TMPRSS12: variants seen among roughly 807,000 people sequenced by gnomAD.
TMPRSS12 encodes the protein transmembrane serine protease 12.
A neutral mutation model predicts 26.0 loss-of-function variants in TMPRSS12; 25 were observed. That is an observed-to-expected ratio of 0.96 (90% CI 0.70 to 1.34). The LOEUF is 1.34. Among genes scored for constraint, TMPRSS12 ranks in the 40% most tolerant of loss-of-function variants. The pLI is 0.00. For synonymous variants in TMPRSS12, 150 were observed against 161.7 expected (o/e 0.93, Z 0.55); for missense variants, 441 against 440.1 (o/e 1.00, Z -0.02).
chr12:50,856,183 A>C (rs765348374), intron 2 of TMPRSS12, among the ~76,000 whole-genome samples: 1 of 152,082 alleles, frequency 6.6e-6, no homozygotes. Flanking sequence ...CAGCACGTGT[A>C]CCCCCGAACC....
At chr12:50,848,337 T>C (rs1285690857) in intron 2 of TMPRSS12, 1 of 152,198 alleles carries the variant, frequency 6.6e-6, no homozygotes, top group Non-Finnish European at 1.5e-5. Context: ...CTTCCCCACT[T>C]CCCACCCAGA....
At position 50,854,434 on chromosome 12, in the gene TMPRSS12, A is replaced by G. The variant is rs180748656; in HGVS notation, c.384-4351A>G. The stretch of plus-strand genomic sequence containing the variant: ...TGCCCACTATCACCACTCTTATTCA[A>G]CATAGTACTGGAAGTCCTAACCAGA... On this transcript the variant is annotated intron_variant, in intron 2 of 4. Transcript: ENST00000398458. Among the ~76,000 whole-genome samples, 111 of 152,324 alleles carry G rather than the reference A, an allele frequency of 7.3e-4. 1 individual carries two copies. The highest frequency in any genetic ancestry group is 3.9e-3 in the Admixed American group (59 of 15,290).
At chr12:50,854,186 CA>C (rs1937854553) in intron 2 of TMPRSS12, among the ~76,000 whole-genome samples, 1 of 151,340 alleles carries the variant, frequency 6.6e-6, no homozygotes, top group Non-Finnish European at 1.5e-5. Flanking sequence ...TGGACTAAAA[CA>C]GAACTAAACA....
intron 3 of TMPRSS12, among the ~76,000 whole-genome samples, chr12:50,882,286 TAAAAAAAAAAAAA>T (rs59323134): frequency 1.7e-5 from 1 of 58,506 alleles, no homozygotes; most frequent in Non-Finnish European, 2.9e-5. Flanking sequence ...CCCATCTCTC[TAAAAAAAAAAAAA>T]AAAAAAAAAA....
At chr12:50,863,995 C>T (rs1592220444) in intron 3 of TMPRSS12, among the ~76,000 whole-genome samples, 1 of 152,218 alleles carries the variant, frequency 6.6e-6, no homozygotes, top group South Asian at 2.1e-4. Context: ...AAATAAAAAG[C>T]TTTTTAAATG....
intron 3 of TMPRSS12, among the ~76,000 whole-genome samples, chr12:50,872,705 A>G (rs1938065797): frequency 8.3e-6 from 1 of 120,068 alleles, no homozygotes; most frequent in Non-Finnish European, 1.7e-5. Flanking sequence ...TATGACGTAT[A>G]TGTGTACATA....
At chr12:50,843,243 T>C in intron 1 of TMPRSS12, 92 bp downstream of exon 1, 1 of 1,379,764 alleles carries the variant, frequency 7.2e-7, no homozygotes, top group East Asian at 2.6e-5. Flanking sequence ...TTTTCTGTTG[T>C]CCCAATGGCC....
intron 2 of TMPRSS12, among the ~76,000 whole-genome samples, chr12:50,854,381 G>A (rs1096034): frequency 0.37 from 56,830 of 151,780 alleles, 10,730 homozygotes; most frequent in Admixed American, 0.43. Context: ...AGCTGGAAAT[G>A]CCCTTGAGAA....
At chr12:50,863,435 A>G (rs1469380149) in intron 3 of TMPRSS12, among the ~76,000 whole-genome samples, 7 of 152,204 alleles carry the variant, frequency 4.6e-5, no homozygotes, top group African/African-American at 1.7e-4. Context: ...TATTTATCCC[A>G]GAGAAATACA....
At chr12:50,860,422 C>CT (rs555754271) in intron 3 of TMPRSS12, among the ~76,000 whole-genome samples, 13 of 150,882 alleles carry the variant, frequency 8.6e-5, no homozygotes, top group South Asian at 4.2e-4. Context: ...ATTTAAAACA[C>CT]TTTTTTTTTA....
At chr12:50,868,542 T>C (rs1342271308) in intron 3 of TMPRSS12, among the ~76,000 whole-genome samples, 1 of 151,858 alleles carries the variant, frequency 6.6e-6, no homozygotes, top group Admixed American at 6.6e-5. Flanking sequence ...AGCAACACAA[T>C]AATAGTGGTG....
chr12:50,885,032 A>C (rs989819026), intron 3 of TMPRSS12, among the ~76,000 whole-genome samples: 2 of 152,174 alleles, frequency 1.3e-5, no homozygotes, highest in Admixed American at 1.3e-4. Flanking sequence ...CAATAGATCA[A>C]GACTCTATCT....
intron 3 of TMPRSS12, among the ~76,000 whole-genome samples, chr12:50,884,302 T>C (rs1938202527): frequency 6.6e-6 from 1 of 152,154 alleles, no homozygotes; most frequent in South Asian, 2.1e-4. Context: ...ACACACAACT[T>C]ACAAAGGAAA....
chr12:50,872,370 G>A (rs1411455181), intron 3 of TMPRSS12, among the ~76,000 whole-genome samples: 37 of 149,556 alleles, frequency 2.5e-4, no homozygotes, highest in African/African-American at 4.7e-4. Flanking sequence ...AAAATTAGCC[G>A]GGCGCGGTGG....
chr12:50,868,224 A>G (rs191970636), intron 3 of TMPRSS12, among the ~76,000 whole-genome samples: 4 of 152,360 alleles, frequency 2.6e-5, no homozygotes, highest in Non-Finnish European at 5.9e-5. Flanking sequence ...AGAACTCACC[A>G]ACCAACTATC....
At chr12:50,864,600 T>C (rs560040496) in intron 3 of TMPRSS12, among the ~76,000 whole-genome samples, 17 of 152,302 alleles carry the variant, frequency 1.1e-4, no homozygotes, top group African/African-American at 3.8e-4. Context: ...TAAAAAAATA[T>C]GTAAATTGTT....
intron 2 of TMPRSS12, among the ~76,000 whole-genome samples, chr12:50,853,720 A>C (rs1937849623): frequency 6.6e-6 from 1 of 152,130 alleles, no homozygotes; most frequent in Non-Finnish European, 1.5e-5. Context: ...AATGTACACA[A>C]ACTAGAAAAC....
At chr12:50,880,105 T>C (rs1938149823) in intron 3 of TMPRSS12, among the ~76,000 whole-genome samples, 1 of 152,210 alleles carries the variant, frequency 6.6e-6, no homozygotes, top group Non-Finnish European at 1.5e-5. Flanking sequence ...CATGAAAAGC[T>C]GTTAACACTG....
intron 2 of TMPRSS12, among the ~76,000 whole-genome samples, chr12:50,856,288 C>G (rs1363991963): frequency 2.0e-5 from 3 of 152,156 alleles, no homozygotes; most frequent in Non-Finnish European, 4.4e-5. Flanking sequence ...CTCCTGTTCC[C>G]CTTTCCCCTT....
Sources: allele counts gnomAD v4.1 joint callset (sites outside exome capture counted in the v4.1 genomes callset), GRCh38; gene constraint gnomAD v4.1.1; transcripts MANE v1.5; gene names NCBI Gene and HGNC (gene_info 2026-07-23, HGNC 2026-07-21).